TMEM74: variants seen among roughly 807,000 people sequenced by gnomAD.
The protein encoded by TMEM74 is transmembrane protein 74.
Under a neutral mutation model 18.1 loss-of-function variants are expected in TMEM74, and 13 were observed. The observed-to-expected ratio is 0.72, with a 90% CI of 0.47 to 1.14. TMEM74 has a LOEUF of 1.14. Among genes scored for constraint, TMEM74 ranks in the 50% most tolerant of loss-of-function variants. The pLI is 0.00. For synonymous variants in TMEM74, 159 were observed against 146.6 expected (o/e 1.08, Z -0.61); for missense variants, 372 against 375.9 (o/e 0.99, Z 0.09).
chr8:108,698,834 G>A (rs975239304), intron 1 of TMEM74, among the ~76,000 whole-genome samples: 2 of 151,892 alleles, frequency 1.3e-5, no homozygotes, highest in African/African-American at 2.4e-5. Context: ...TCTTAAATAC[G>A]AAGTAAAATG....
chr8:108,744,221 C>T (rs989959576), intron 1 of TMEM74, among the ~76,000 whole-genome samples: 2 of 152,038 alleles, frequency 1.3e-5, no homozygotes, highest in African/African-American at 4.8e-5. Flanking sequence ...TATTTTTAGG[C>T]CAGATAATTG....
chr8:108,611,148 A>C (rs761280317), intron 2 of TMEM74, among the ~76,000 whole-genome samples: 1 of 152,214 alleles, frequency 6.6e-6, no homozygotes, highest in Non-Finnish European at 1.5e-5. Context: ...GTAAATATGG[A>C]GTATTTTCAT....
At chr8:108,612,938 G>GT (rs1184034511) in intron 2 of TMEM74, among the ~76,000 whole-genome samples, 3 of 151,938 alleles carry the variant, frequency 2.0e-5, no homozygotes, top group Non-Finnish European at 4.4e-5. Flanking sequence ...TCTAAGTCAG[G>GT]TTTTCTAGTA....
intron 1 of TMEM74, among the ~76,000 whole-genome samples, chr8:108,756,090 T>C (rs1222987708): frequency 6.6e-6 from 1 of 152,058 alleles, no homozygotes; most frequent in Non-Finnish European, 1.5e-5. Flanking sequence ...TTATTTGGAA[T>C]GAATTTGTTT....
chr8:108,738,068 C>A (rs1210331604), intron 1 of TMEM74, among the ~76,000 whole-genome samples: 1 of 152,158 alleles, frequency 6.6e-6, no homozygotes, highest in Non-Finnish European at 1.5e-5. Flanking sequence ...ATCTCTCCCC[C>A]TGTGCTTATC....
intron 1 of TMEM74, among the ~76,000 whole-genome samples, chr8:108,729,331 C>G (rs1012362254): frequency 6.6e-6 from 1 of 152,188 alleles, no homozygotes; most frequent in Non-Finnish European, 1.5e-5. Flanking sequence ...GGTCAAGTCC[C>G]TCTTATACTT....
chr8:108,784,958 T>C lies in TMEM74; in HGVS notation c.141A>G (p.Ala47=), dbSNP rs755139242. 1.9e-6 allele frequency: 3 copies of C among 1,614,106 alleles called. No individual in the cohort carries two copies. The East Asian group carries it at 6.7e-5, about 36-fold the overall frequency. ...RAALCCQKQC[A]STPRATEMEG... is the part of the protein sequence containing the mutation. ...CCATCTCGGTTGCTCTTGGGGTGGA[T>C]GCACACTGTTTCTGACAGCAGAGAG... is the stretch of plus-strand genomic sequence containing the variant. Residue 47 remains alanine, a synonymous_variant, in exon 2 of 2, where the codon GCA becomes GCG. Transcript: ENST00000297459.
At chr8:108,613,635 T>C (rs1194093956) in intron 2 of TMEM74, among the ~76,000 whole-genome samples, 1 of 152,192 alleles carries the variant, frequency 6.6e-6, no homozygotes, top group Non-Finnish European at 1.5e-5. Context: ...TTAGACCACG[T>C]TGTTTCCCTT....
intron 1 of TMEM74, among the ~76,000 whole-genome samples, chr8:108,706,776 G>GGGGTGTGTGTGT (rs145501229): frequency 6.9e-6 from 1 of 144,972 alleles, no homozygotes; most frequent in South Asian, 2.3e-4. Flanking sequence ...AATTACAAGG[G>GGGGTGTGTGTGT]GTGTGTGTGT....
intron 1 of TMEM74, among the ~76,000 whole-genome samples, chr8:108,669,694 G>C (rs1429596745): frequency 6.6e-6 from 1 of 152,154 alleles, no homozygotes; most frequent in Non-Finnish European, 1.5e-5. Context: ...TCACAAATCA[G>C]AGGGAAGTGA....
chr8:108,762,910 T>A (rs1005199425), intron 1 of TMEM74, among the ~76,000 whole-genome samples: 2 of 152,064 alleles, frequency 1.3e-5, no homozygotes, highest in African/African-American at 4.8e-5. Flanking sequence ...AAAAAACTCC[T>A]TGAGGACAGG....
intron 2 of TMEM74, among the ~76,000 whole-genome samples, chr8:108,642,356 G>A (rs1355469546): frequency 6.9e-6 from 1 of 144,106 alleles, no homozygotes; most frequent in Non-Finnish European, 1.5e-5. Context: ...CCGAGACTGT[G>A]TCACTGCACT....
chr8:108,636,884 T>A (rs1278003873), intron 2 of TMEM74, among the ~76,000 whole-genome samples: 1 of 151,540 alleles, frequency 6.6e-6, no homozygotes, highest in Non-Finnish European at 1.5e-5. Flanking sequence ...CCTCAAAGAA[T>A]GAAAATGAAA....
intron 1 of TMEM74, among the ~76,000 whole-genome samples, chr8:108,680,536 T>C (rs1813102480): frequency 6.6e-6 from 1 of 152,168 alleles, no homozygotes; most frequent in Non-Finnish European, 1.5e-5. Context: ...AAGAGCTATC[T>C]ATGACAAACC....
chr8:108,726,769 G>A (rs1813643006), intron 1 of TMEM74, among the ~76,000 whole-genome samples: 1 of 151,964 alleles, frequency 6.6e-6, no homozygotes. Context: ...CCATGTCCTT[G>A]TAGGGCTTAC....
In TMEM74 at chr8:108,784,363, G is replaced by A. The variant is rs977084362; in HGVS notation, c.736C>T (p.Leu246=). 1.9e-6 allele frequency: 3 copies of A among 1,613,936 alleles called. No individual in the cohort carries two copies. The highest frequency in any genetic ancestry group is 3.3e-5 in the Admixed American group (2 of 59,990). Residue 246 remains leucine, a synonymous_variant, in exon 2 of 2, where the codon CTG becomes TTG. Coordinates refer to ENST00000297459, the MANE Select transcript of TMEM74 (RefSeq NM_153015.3). The stretch of plus-strand genomic sequence containing the variant: ...ATGGACATCATTAACAAGCAGGACA[G>A]GATGACGCCCCCCAGCGTGAGGAGG... The part of the protein sequence containing the change: ...LCLLTLGGVI[L]SCLLMMSMWK...
intron 2 of TMEM74, among the ~76,000 whole-genome samples, chr8:108,635,595 A>G (rs1641671228): frequency 6.6e-6 from 1 of 151,998 alleles, no homozygotes; most frequent in Non-Finnish European, 1.5e-5. Flanking sequence ...TCACCTCGCC[A>G]ACACTGGGTT....
intron 2 of TMEM74, among the ~76,000 whole-genome samples, chr8:108,645,309 C>T (rs1410425147): frequency 2.0e-5 from 3 of 151,902 alleles, no homozygotes; most frequent in Non-Finnish European, 4.4e-5. Flanking sequence ...ATTGGGTACA[C>T]GTGGACACAA....
intron 2 of TMEM74, among the ~76,000 whole-genome samples, chr8:108,628,132 C>T (rs1812514506): frequency 6.6e-6 from 1 of 151,906 alleles, no homozygotes; most frequent in South Asian, 2.1e-4. Flanking sequence ...AGTTTGACTC[C>T]CTGAGTTATG....
Sources: gnomAD v4.1 joint callset for allele counts (sites outside exome capture counted in the v4.1 genomes callset) on GRCh38, gnomAD v4.1.1 for gene constraint, MANE v1.5 for transcripts, NCBI Gene and HGNC (gene_info 2026-07-23, HGNC 2026-07-21) for gene names.